SPAG16: variants seen among roughly 807,000 people sequenced by gnomAD.
SPAG16 encodes the protein sperm-associated antigen 16 protein.
Under a neutral mutation model 80.4 loss-of-function variants are expected in SPAG16, and 86 were observed. The observed-to-expected ratio is 1.07, with a 90% CI of 0.90 to 1.28. The LOEUF (loss-of-function observed/expected upper bound fraction) is 1.28, where lower values mean the gene tolerates loss of function less well. SPAG16 is among the 50% of genes most tolerant of loss of function. SPAG16 has a pLI of 0.00. For missense variants in SPAG16, 870 were observed against 765.3 expected (o/e 1.14, Z -1.61); for synonymous variants, 294 against 265.9 (o/e 1.11, Z -1.03).
chr2:213,917,066 G>C (rs2078005171), intron 11 of SPAG16, among the ~76,000 whole-genome samples: 1 of 151,996 alleles, frequency 6.6e-6, no homozygotes, highest in African/African-American at 2.4e-5. Context: ...GTTTTTGTTA[G>C]GATTGTTGAA....
chr2:214,141,714 C>T (rs891377526), intron 14 of SPAG16, among the ~76,000 whole-genome samples: 1 of 152,024 alleles, frequency 6.6e-6, no homozygotes, highest in Non-Finnish European at 1.5e-5. Flanking sequence ...AGGACATTAT[C>T]CCACTGGTTC....
chr2:213,924,811 G>C (rs1176723734), intron 11 of SPAG16, among the ~76,000 whole-genome samples: 1 of 151,756 alleles, frequency 6.6e-6, no homozygotes, highest in Admixed American at 6.6e-5. Flanking sequence ...GTCTATTTGT[G>C]TTTGTTGGAT....
intron 9 of SPAG16, among the ~76,000 whole-genome samples, chr2:213,401,052 G>A (rs1338433157): frequency 5.3e-5 from 8 of 152,232 alleles, no homozygotes; most frequent in Middle Eastern, 3.4e-3. Context: ...CAAGAGATCT[G>A]TCTGTCTTGG....
intron 10 of SPAG16, among the ~76,000 whole-genome samples, chr2:213,702,790 A>G (rs946117016): frequency 4.6e-5 from 7 of 152,126 alleles, no homozygotes; most frequent in South Asian, 2.1e-4. Context: ...GAAAAGGCCT[A>G]TTTCTAGAGT....
intron 13 of SPAG16, among the ~76,000 whole-genome samples, chr2:214,082,718 C>G (rs905693848): frequency 1.3e-5 from 2 of 152,130 alleles, no homozygotes; most frequent in African/African-American, 4.8e-5. Flanking sequence ...TGGGAGAAGG[C>G]CTTAACATCA....
chr2:213,984,408 T>C (rs1413972108), intron 12 of SPAG16, among the ~76,000 whole-genome samples: 1 of 152,136 alleles, frequency 6.6e-6, no homozygotes, highest in Non-Finnish European at 1.5e-5. Context: ...CAGAGCCTTC[T>C]CTGTGCTCTT....
intron 10 of SPAG16, among the ~76,000 whole-genome samples, chr2:213,732,252 C>T (rs2067082132): frequency 6.6e-6 from 1 of 152,094 alleles, no homozygotes; most frequent in South Asian, 2.1e-4. Flanking sequence ...TCTGGGTTCT[C>T]TGTTCTGTTT....
intron 10 of SPAG16, among the ~76,000 whole-genome samples, chr2:213,589,152 T>C (rs1465256650): frequency 1.3e-5 from 2 of 152,218 alleles, no homozygotes; most frequent in Non-Finnish European, 2.9e-5. Context: ...TATAGAATGC[T>C]TACATGCTTA....
chr2:214,222,107 A>ATTTTTTT (rs1367429310), intron 15 of SPAG16, among the ~76,000 whole-genome samples: 1 of 82,234 alleles, frequency 1.2e-5, no homozygotes, highest in African/African-American at 3.3e-5. Flanking sequence ...TTTCCTTGCT[A>ATTTTTTT]TTCTTTTTTT....
intron 11 of SPAG16, among the ~76,000 whole-genome samples, chr2:213,906,836 A>G (rs1007612095): frequency 3.9e-5 from 6 of 152,182 alleles, no homozygotes; most frequent in African/African-American, 9.6e-5. Flanking sequence ...CTAGACTTCT[A>G]TCTCACCACA....
chr2:213,849,487 T>C lies in SPAG16; in HGVS notation c.1071-12998T>C, dbSNP rs1055047743. Reference sequence around the variant, plus strand: ...TACTTCAATGATAAAAAAATTAATATTGGCTTTCTAATTTATTTATAAAAT... The same window carrying C: ...TACTTCAATGATAAAAAAATTAATACTGGCTTTCTAATTTATTTATAAAAT... On this transcript the variant is annotated intron_variant, in intron 10 of 15. Transcript: ENST00000331683. Among the ~76,000 whole-genome samples the C allele has an allele frequency of 2.6e-5, 4 of 152,222 alleles. 1 individual carries two copies. The highest frequency in any genetic ancestry group is 9.6e-5 in the African/African-American group (4 of 41,470).
rs534461948 is a variant in SPAG16 at position 213,894,145 on chromosome 2, A to G, written c.1214+31517A>G. On this transcript the variant is annotated intron_variant, in intron 11 of 15. Transcript: ENST00000331683. ...AGATTAAAGGCTATAAAGGAGGCCA[A>G]AAGTGCCCACTGTATAATATTAGTG... Among the ~76,000 whole-genome samples, 5 of 152,302 alleles carry G rather than the reference A, an allele frequency of 3.3e-5. No homozygotes were observed. In the South Asian group the frequency reaches 1.0e-3, roughly 32 times the overall value.
rs963714918 is a variant in SPAG16 at position 214,010,516 on chromosome 2, G to C, written c.1401-3435G>C. Among the ~76,000 whole-genome samples, 14 of 146,392 alleles carry C rather than the reference G, an allele frequency of 9.6e-5. 2 individuals are homozygous for C. Among genetic ancestry groups the C allele is most frequent in the African/African-American group, 3.5e-4 (13 of 37,352 alleles). ...TCAGTATTTGGGAAAGAAACTGTAA[G>C]GGCTCTTGGGTGTAAACAGCAAACG... is the stretch of plus-strand genomic sequence containing the variant. On this transcript the variant is annotated intron_variant, in intron 12 of 15. Coordinates refer to ENST00000331683, the MANE Select transcript of SPAG16 (RefSeq NM_024532.5).
At chr2:214,001,249 T>C (rs1046244259) in intron 12 of SPAG16, among the ~76,000 whole-genome samples, 1 of 152,230 alleles carries the variant, frequency 6.6e-6, no homozygotes, top group Admixed American at 6.5e-5. Context: ...TTTCCTTTTG[T>C]GTTTAAAGTT....
chr2:213,832,615 G>C (rs1253779161), intron 10 of SPAG16, among the ~76,000 whole-genome samples: 1 of 152,066 alleles, frequency 6.6e-6, no homozygotes, highest in African/African-American at 2.4e-5. Context: ...ATACCTAGGA[G>C]AGAGGAATCC....
At chr2:213,734,216 C>G (rs183700849) in intron 10 of SPAG16, among the ~76,000 whole-genome samples, 1 of 152,250 alleles carries the variant, frequency 6.6e-6, no homozygotes, top group East Asian at 1.9e-4. Flanking sequence ...TAAAATGAAA[C>G]TGGCCATGAG....
At chr2:214,257,902 T>G (rs903660892) in intron 15 of SPAG16, among the ~76,000 whole-genome samples, 6 of 152,120 alleles carry the variant, frequency 3.9e-5, no homozygotes, top group Non-Finnish European at 7.4e-5. Flanking sequence ...CTTAAATGTT[T>G]GGTAGCCTTC....
chr2:213,504,057 G>T (rs1046131044), intron 10 of SPAG16, among the ~76,000 whole-genome samples: 1 of 152,176 alleles, frequency 6.6e-6, no homozygotes, highest in South Asian at 2.1e-4. Flanking sequence ...TATCTTGTGA[G>T]TTATTGCTGG....
intron 15 of SPAG16, among the ~76,000 whole-genome samples, chr2:214,320,577 AACTT>A (rs373544614): frequency 3.3e-5 from 5 of 152,204 alleles, no homozygotes; most frequent in African/African-American, 7.2e-5. Context: ...GGCCTCAGGA[AACTT>A]ACTTACAATC....
Sources: gnomAD v4.1 joint callset for allele counts (sites outside exome capture counted in the v4.1 genomes callset) on GRCh38, gnomAD v4.1.1 for gene constraint, MANE v1.5 for transcripts, NCBI Gene and HGNC (gene_info 2026-07-23, HGNC 2026-07-21) for gene names.